Variants in ZNF804B observed in about 807,000 individuals in gnomAD.
ZNF804B encodes zinc finger 804B.
In ZNF804B, 80 loss-of-function variants were observed where a neutral mutation model predicts 101.4. The observed-to-expected ratio is 0.79, with a 90% CI of 0.66 to 0.95. The LOEUF (loss-of-function observed/expected upper bound fraction) is 0.95. Among genes scored for constraint, ZNF804B ranks in the 40% least tolerant of loss-of-function variants. The pLI is 0.00. For missense variants in ZNF804B, 1,673 were observed against 1,561.9 expected (o/e 1.07, Z -1.20); for synonymous variants, 622 against 558.8 (o/e 1.11, Z -1.59).
At chr7:88,790,256 C>T (rs1032901507) in intron 1 of ZNF804B, among the ~76,000 whole-genome samples, 25 of 151,998 alleles carry the variant, frequency 1.6e-4, no homozygotes, top group African/African-American at 5.1e-4. Context: ...GCAACTATAG[C>T]TTTCTTTATT....
chr7:89,190,818 T>C (rs994772330), intron 1 of ZNF804B, among the ~76,000 whole-genome samples: 1 of 152,114 alleles, frequency 6.6e-6, no homozygotes, highest in Non-Finnish European at 1.5e-5. Context: ...AGCAAAAAGA[T>C]TTTTACTCGC....
intron 1 of ZNF804B, among the ~76,000 whole-genome samples, chr7:88,817,154 T>C (rs896803604): frequency 6.6e-6 from 1 of 152,178 alleles, no homozygotes; most frequent in Admixed American, 6.5e-5. Flanking sequence ...GTACCGCATG[T>C]TCTCATTCAT....
intron 1 of ZNF804B, among the ~76,000 whole-genome samples, chr7:89,047,138 G>T (rs147057897): frequency 2.9e-3 from 446 of 152,150 alleles, no homozygotes; most frequent in Middle Eastern, 0.01. Context: ...ACTCCTTTCT[G>T]CTGACAAGCA....
chr7:89,285,046 A>G (rs1385060894), intron 2 of ZNF804B, among the ~76,000 whole-genome samples: 1 of 151,728 alleles, frequency 6.6e-6, no homozygotes, highest in African/African-American at 2.4e-5. Context: ...TAAATAAAAA[A>G]ATTTAAATTT....
intron 1 of ZNF804B, among the ~76,000 whole-genome samples, chr7:88,903,936 A>G (rs1357877900): frequency 1.3e-5 from 2 of 152,262 alleles, no homozygotes; most frequent in East Asian, 3.9e-4. Context: ...TGTTGTGCAG[A>G]AGCTCAGAAA....
chr7:89,286,719 A>G (rs1027342117), intron 2 of ZNF804B, among the ~76,000 whole-genome samples: 2 of 152,186 alleles, frequency 1.3e-5, no homozygotes, highest in Non-Finnish European at 2.9e-5. Context: ...ACCTTAGACA[A>G]TCTGTCTGAA....
intron 2 of ZNF804B, among the ~76,000 whole-genome samples, chr7:89,279,768 G>A (rs918814547): frequency 1.7e-3 from 263 of 151,914 alleles, no homozygotes; most frequent in Non-Finnish European, 3.1e-3. Context: ...ATTTTATTGA[G>A]GATTTTTGCA....
chr7:88,977,426 T>C (rs764284583), intron 1 of ZNF804B, among the ~76,000 whole-genome samples: 5 of 151,596 alleles, frequency 3.3e-5, no homozygotes, highest in Non-Finnish European at 5.9e-5. Flanking sequence ...TTTTACTACT[T>C]GTTATTGGTC....
At chr7:89,106,723 G>T (rs1176689495) in intron 1 of ZNF804B, among the ~76,000 whole-genome samples, 1 of 152,120 alleles carries the variant, frequency 6.6e-6, no homozygotes, top group Non-Finnish European at 1.5e-5. Context: ...TGGATTGGGA[G>T]GATGGCTAGA....
At chr7:89,328,275 G>T (rs183612155) in intron 3 of ZNF804B, among the ~76,000 whole-genome samples, 242 of 151,778 alleles carry the variant, frequency 1.6e-3, no homozygotes, top group African/African-American at 5.5e-3. Flanking sequence ...AGACTTAAAA[G>T]GTAATTTTAA....
chr7:89,173,627 C>T (rs1164557052), intron 1 of ZNF804B, among the ~76,000 whole-genome samples: 2 of 151,912 alleles, frequency 1.3e-5, no homozygotes, highest in African/African-American at 2.4e-5. Flanking sequence ...TTGTCACAGG[C>T]GGTCATATGA....
chr7:89,000,804 C>A (rs978775251), intron 1 of ZNF804B, among the ~76,000 whole-genome samples: 6 of 150,626 alleles, frequency 4.0e-5, no homozygotes, highest in African/African-American at 7.3e-5. Context: ...TTGCAAATGG[C>A]AAGATTTCTT....
rs73386674 is a variant in ZNF804B, at chr7:89,317,856, T to C, written c.250-9488T>C. On this transcript the variant is annotated intron_variant, in intron 2 of 3. Transcript: ENST00000333190. ...CTTGTGAAGGGAAGATAAAATGAAC[T>C]TTTAGAGCATGCAAAATTTCTTCAA... is the stretch of plus-strand genomic sequence containing the variant. Among the ~76,000 whole-genome samples, 541 of 152,302 alleles carry C rather than the reference T, an allele frequency of 3.6e-3. 5 individuals carry two copies. The highest frequency in any genetic ancestry group is 0.012 in the African/African-American group (518 of 41,564).
At chr7:89,139,323 T>C (rs1236199657) in intron 1 of ZNF804B, among the ~76,000 whole-genome samples, 1 of 152,158 alleles carries the variant, frequency 6.6e-6, no homozygotes, top group African/African-American at 2.4e-5. Context: ...AGCTGCTCAT[T>C]CATCAGGGTG....
chr7:89,336,882 A>G lies in ZNF804B; in HGVS notation c.3900A>G (p.Leu1300=). The G allele has an allele frequency of 6.2e-7, 1 of 1,614,042 alleles. No individual in the cohort carries two copies. The highest frequency in any genetic ancestry group is 8.5e-7 in the Non-Finnish European group (1 of 1,179,998). ...TTCCTACATTGTTTGGTCCTCACTT[A>G]AATCCAGCCACAACTTCTATCATCC... The part of the protein sequence containing the change: ...AFIPTLFGPH[L]NPATTSIIHL... Residue 1300 remains leucine (L), a synonymous_variant, in exon 4 of 4, where the codon TTA becomes TTG. Transcript: ENST00000333190.
chr7:88,818,661 A>G (rs1253425252), intron 1 of ZNF804B, among the ~76,000 whole-genome samples: 4 of 152,212 alleles, frequency 2.6e-5, no homozygotes, highest in Admixed American at 1.3e-4. Flanking sequence ...TCCATAGCAT[A>G]GGATATAGGA....
intron 1 of ZNF804B, among the ~76,000 whole-genome samples, chr7:88,804,869 C>A (rs1002339799): frequency 6.6e-6 from 1 of 152,180 alleles, no homozygotes; most frequent in Admixed American, 6.5e-5. Context: ...TAACATACTC[C>A]GTTTGCAATT....
chr7:89,077,706 C>T (rs1185659729), intron 1 of ZNF804B, among the ~76,000 whole-genome samples: 1 of 152,058 alleles, frequency 6.6e-6, no homozygotes, highest in Non-Finnish European at 1.5e-5. Context: ...TTCTTCCTAA[C>T]TGTATATTTT....
At chr7:89,194,844 G>C (rs916130440) in intron 1 of ZNF804B, among the ~76,000 whole-genome samples, 2 of 151,812 alleles carry the variant, frequency 1.3e-5, no homozygotes, top group Non-Finnish European at 1.5e-5. Flanking sequence ...TTCCAATTCT[G>C]TGAAGAAAGT....
Sources: gnomAD v4.1 joint callset for allele counts (sites outside exome capture counted in the v4.1 genomes callset) on GRCh38, gnomAD v4.1.1 for gene constraint, MANE v1.5 for transcripts, NCBI Gene and HGNC (gene_info 2026-07-23, HGNC 2026-07-21) for gene names.